The following CNTN5 variants were observed in gnomAD, a reference collection of about 807,000 sequenced individuals.
The protein encoded by CNTN5 is contactin 5.
In CNTN5, 77 loss-of-function variants were observed where a neutral mutation model predicts 129.1. That is an observed-to-expected ratio of 0.60 (90% confidence interval 0.50 to 0.72). CNTN5 has a LOEUF of 0.72. Ranked by LOEUF, CNTN5 falls within the 30% of genes least tolerant of loss-of-function variation. The probability of loss-of-function intolerance (pLI) is 0.00; values close to 1 mark genes in which losing one functional copy is unlikely to be tolerated. For missense variants in CNTN5, 1,478 were observed against 1,328.8 expected (o/e 1.11, Z -1.75); for synonymous variants, 509 against 465.6 (o/e 1.09, Z -1.20).
At chr11:100,065,127 A>G (rs1943648324) in intron 10 of CNTN5, among the ~76,000 whole-genome samples, 1 of 152,138 alleles carries the variant, frequency 6.6e-6, no homozygotes, top group Non-Finnish European at 1.5e-5. Context: ...AGTTAGTTGT[A>G]CTGTACTAAA....
At chr11:99,466,175 C>T (rs1451649000) in intron 2 of CNTN5, among the ~76,000 whole-genome samples, 2 of 152,138 alleles carry the variant, frequency 1.3e-5, no homozygotes, top group African/African-American at 4.8e-5. Flanking sequence ...AGCCACTGTG[C>T]CCGGCTGATG....
chr11:100,041,746 A>G (rs1942391965), intron 9 of CNTN5, among the ~76,000 whole-genome samples: 1 of 152,244 alleles, frequency 6.6e-6, no homozygotes, highest in Non-Finnish European at 1.5e-5. Context: ...ATTGTTTTAA[A>G]AAACAATGGT....
At chr11:99,959,990 C>T (rs897792826) in intron 8 of CNTN5, among the ~76,000 whole-genome samples, 1 of 151,916 alleles carries the variant, frequency 6.6e-6, no homozygotes, top group African/African-American at 2.4e-5. Context: ...AAAACAAAAA[C>T]CCACAAAATC....
Position 99,224,927 on chromosome 11 carries a change from T to C in CNTN5, c.-209-100419T>C, listed in dbSNP as rs536019315. On this transcript the variant is annotated intron_variant, in intron 1 of 24. Transcript: ENST00000524871. ...CACAACTTTCAGCAACAGGAATGAC[T>C]TTAAGACCCAGTTTGGACATTTTAG... Among the ~76,000 whole-genome samples, 4 of 152,176 alleles carry C rather than the reference T, an allele frequency of 2.6e-5. No homozygotes were observed. The East Asian group carries it at 7.7e-4, about 29-fold the overall frequency.
chr11:99,611,320 A>C (rs1950587068), intron 3 of CNTN5, among the ~76,000 whole-genome samples: 1 of 152,178 alleles, frequency 6.6e-6, no homozygotes, highest in South Asian at 2.1e-4. Flanking sequence ...AAAGCTTTTC[A>C]AACCCACCAG....
At chr11:100,249,716 T>G (rs1949923868) in intron 16 of CNTN5, among the ~76,000 whole-genome samples, 1 of 152,092 alleles carries the variant, frequency 6.6e-6, no homozygotes, top group Non-Finnish European at 1.5e-5. Flanking sequence ...GAAAAAGCCT[T>G]TTAGGAGAAC....
At chr11:99,978,536 T>G (rs1591516032) in intron 8 of CNTN5, among the ~76,000 whole-genome samples, 2 of 152,208 alleles carry the variant, frequency 1.3e-5, no homozygotes, top group Non-Finnish European at 2.9e-5. Flanking sequence ...TCATATTTTA[T>G]CATACCTTTT....
At chr11:99,769,902 C>T (rs527645136) in intron 3 of CNTN5, among the ~76,000 whole-genome samples, 2 of 151,778 alleles carry the variant, frequency 1.3e-5, no homozygotes, top group African/African-American at 2.4e-5. Context: ...CTTATCAACT[C>T]TTGTCAACTA....
intron 3 of CNTN5, among the ~76,000 whole-genome samples, chr11:99,690,391 T>A (rs1953991546): frequency 6.6e-6 from 1 of 151,918 alleles, no homozygotes; most frequent in Admixed American, 6.6e-5. Context: ...TTGTTGTTGT[T>A]GTTCTTGTTT....
chr11:99,843,787 A>G (rs1165969945), intron 4 of CNTN5, among the ~76,000 whole-genome samples: 3 of 152,308 alleles, frequency 2.0e-5, no homozygotes, highest in East Asian at 1.9e-4. Flanking sequence ...CAAAACATCA[A>G]TGGTACAGAG....
At position 99,095,500 on chromosome 11, in the gene CNTN5, C is replaced by A. The variant is rs190365445; in HGVS notation, c.-210+74230C>A. 1.3e-3 allele frequency among the ~76,000 whole-genome samples: 194 copies of A among 151,882 alleles called. 1 individual carries two copies. The highest frequency in any genetic ancestry group is 4.6e-3 in the African/African-American group (190 of 41,500). ...ACCTGGGGCATGTATGAAATACTAG[C>A]ATTTACGGTAGCTCTTGAGTGATGA... On this transcript the variant is annotated intron_variant, in intron 1 of 24. Transcript: ENST00000524871.
At chr11:99,376,015 T>A (rs1477056871) in intron 2 of CNTN5, among the ~76,000 whole-genome samples, 3 of 152,208 alleles carry the variant, frequency 2.0e-5, no homozygotes, top group Admixed American at 6.5e-5. Context: ...ATGACCCATT[T>A]ACCAAAGATA....
chr11:100,032,261 C>CT (rs1229331427), intron 9 of CNTN5, among the ~76,000 whole-genome samples: 3 of 152,022 alleles, frequency 2.0e-5, no homozygotes, highest in East Asian at 3.9e-4. Flanking sequence ...TGTTCTAGTG[C>CT]TTTTTTTGCT....
chr11:100,117,744 TG>T (rs1229271137), intron 13 of CNTN5, among the ~76,000 whole-genome samples: 10 of 151,786 alleles, frequency 6.6e-5, no homozygotes, highest in Admixed American at 5.9e-4. Flanking sequence ...TTTTTTTTTT[TG>T]TAAAGAATGG....
rs759147896 is a variant in CNTN5 at position 99,618,526 on chromosome 11, A to C, written c.55+62257A>C. Among the ~76,000 whole-genome samples, 4 of 152,334 alleles carry C rather than the reference A, an allele frequency of 2.6e-5. 1 individual carries two copies. Among genetic ancestry groups the C allele is most frequent in the Middle Eastern group, 3.4e-3 (1 of 294 alleles). ...TAACTGTTCTTTGTCACCTACCAGA[A>C]GAGGAAATTGGTATCCTAAGAATTT... is the stretch of plus-strand genomic sequence containing the variant. On this transcript the variant is annotated intron_variant, in intron 3 of 24. Coordinates refer to ENST00000524871, the MANE Select transcript of CNTN5 (RefSeq NM_014361.4).
chr11:99,296,388 C>T (rs1864392295), intron 1 of CNTN5, among the ~76,000 whole-genome samples: 1 of 152,084 alleles, frequency 6.6e-6, no homozygotes, highest in Admixed American at 6.6e-5. Flanking sequence ...TCTTCAGGTT[C>T]TAGATTGTGA....
intron 1 of CNTN5, among the ~76,000 whole-genome samples, chr11:99,222,333 TAAAGG>T (rs1224221370): frequency 6.6e-6 from 1 of 151,078 alleles, no homozygotes; most frequent in East Asian, 1.9e-4. Flanking sequence ...GAAGGAAGGA[TAAAGG>T]AAGGAAGAAT....
chr11:99,455,996 C>A (rs1382499355), intron 2 of CNTN5, among the ~76,000 whole-genome samples: 3 of 152,092 alleles, frequency 2.0e-5, no homozygotes, highest in Admixed American at 6.6e-5. Context: ...GGAGCTCTGT[C>A]AACACAGGTC....
chr11:99,383,324 A>G (rs1940717834), intron 2 of CNTN5, among the ~76,000 whole-genome samples: 1 of 152,224 alleles, frequency 6.6e-6, no homozygotes, highest in Admixed American at 6.5e-5. Context: ...GACTGGTCCC[A>G]TATGTCTATG....
Sources: allele counts gnomAD v4.1 joint callset (sites outside exome capture counted in the v4.1 genomes callset), GRCh38; gene constraint gnomAD v4.1.1; transcripts MANE v1.5; gene names NCBI Gene and HGNC (gene_info 2026-07-23, HGNC 2026-07-21).